TSNARE1: variants seen among roughly 807,000 people sequenced by gnomAD.
The protein encoded by TSNARE1 is t-SNARE domain-containing protein 1.
TSNARE1 carries 49 observed loss-of-function variants against 62.0 expected under a neutral mutation model. The observed-to-expected ratio is 0.79, with a 90% confidence interval of 0.63 to 1.00. The LOEUF (loss-of-function observed/expected upper bound fraction) is 1.00. TSNARE1 is among the 50% of genes least tolerant of loss of function. The probability of loss-of-function intolerance (pLI) is 0.00; values close to 1 mark genes in which losing one functional copy is unlikely to be tolerated. For synonymous variants in TSNARE1, 328 were observed against 294.4 expected (o/e 1.11, Z -1.17); for missense variants, 755 against 700.1 (o/e 1.08, Z -0.88).
chr8:142,233,596 G>A (rs1289280243), intron 12 of TSNARE1, among the ~76,000 whole-genome samples: 1 of 152,196 alleles, frequency 6.6e-6, no homozygotes, highest in Non-Finnish European at 1.5e-5. Context: ...TGTGTGGGCA[G>A]GGCTGGTGAC....
intron 12 of TSNARE1, among the ~76,000 whole-genome samples, chr8:142,250,943 C>A (rs1484144818): frequency 6.6e-6 from 1 of 152,186 alleles, no homozygotes; most frequent in Non-Finnish European, 1.5e-5. Flanking sequence ...GAGGCCTGAC[C>A]CAGTAAAGGA....
chr8:142,318,324 C>T (rs995161420), intron 7 of TSNARE1, among the ~76,000 whole-genome samples: 2 of 152,210 alleles, frequency 1.3e-5, no homozygotes, highest in Non-Finnish European at 2.9e-5. Flanking sequence ...CAGGTGGCCA[C>T]ACCAGCTCCC....
intron 1 of TSNARE1, among the ~76,000 whole-genome samples, chr8:142,398,439 C>T (rs1838056250): frequency 6.6e-6 from 1 of 152,088 alleles, no homozygotes. Flanking sequence ...CCAGCCCTGC[C>T]AAAGCACAAC....
At chr8:142,384,478 A>C (rs532110815) in intron 1 of TSNARE1, among the ~76,000 whole-genome samples, 1 of 152,350 alleles carries the variant, frequency 6.6e-6, no homozygotes, top group African/African-American at 2.4e-5. Context: ...ATGAAATCAG[A>C]TATATAGACC....
At chr8:142,308,644 A>G (rs1827088878) in intron 9 of TSNARE1, among the ~76,000 whole-genome samples, 1 of 152,060 alleles carries the variant, frequency 6.6e-6, no homozygotes. Flanking sequence ...TCACACAAAC[A>G]CCACACTGTT....
chr8:142,336,486 A>C (rs1831779694), intron 4 of TSNARE1, among the ~76,000 whole-genome samples: 1 of 152,152 alleles, frequency 6.6e-6, no homozygotes, highest in African/African-American at 2.4e-5. Context: ...TAAAAGAAGG[A>C]CACTTTCAAA....
At chr8:142,229,276 T>G (rs962608557) in intron 13 of TSNARE1, among the ~76,000 whole-genome samples, 197 bp downstream of exon 13, 1 of 150,898 alleles carries the variant, frequency 6.6e-6, no homozygotes, top group Non-Finnish European at 1.5e-5. Context: ...GGTGGATGGA[T>G]GGATGGCAGA....
At chr8:142,395,512 A>G (rs1376253429) in intron 1 of TSNARE1, among the ~76,000 whole-genome samples, 5 of 152,190 alleles carry the variant, frequency 3.3e-5, no homozygotes, top group Admixed American at 3.3e-4. Flanking sequence ...TGGAAAGCCC[A>G]TGGAGCACCG....
chr8:142,244,183 C>T (rs1312273012), intron 12 of TSNARE1, among the ~76,000 whole-genome samples: 2 of 152,180 alleles, frequency 1.3e-5, no homozygotes, highest in Non-Finnish European at 2.9e-5. Context: ...GAGACTCCGA[C>T]ATTAAACTGT....
chr8:142,255,949 A>ACCG (rs1818486589), intron 12 of TSNARE1, among the ~76,000 whole-genome samples: 1 of 97,342 alleles, frequency 1.0e-5, no homozygotes. Flanking sequence ...CACCACCATC[A>ACCG]TCACCATCAC....
chr8:142,333,904 G>A (rs567716771), intron 4 of TSNARE1, among the ~76,000 whole-genome samples: 4 of 152,220 alleles, frequency 2.6e-5, no homozygotes, highest in Non-Finnish European at 4.4e-5. Flanking sequence ...ACCACCCCTC[G>A]ATGTCACCAT....
At chr8:142,394,074 G>A (rs540552970) in intron 1 of TSNARE1, among the ~76,000 whole-genome samples, 46 of 152,358 alleles carry the variant, frequency 3.0e-4, no homozygotes, top group Middle Eastern at 3.4e-3. Context: ...CTGGCTGCCC[G>A]TCTTCACTCC....
At chr8:142,370,661 C>T (rs1028918719) in intron 1 of TSNARE1, among the ~76,000 whole-genome samples, 3 of 151,990 alleles carry the variant, frequency 2.0e-5, no homozygotes, top group African/African-American at 4.8e-5. Context: ...GTGAAAAGCA[C>T]ATAGAAATAT....
intron 13 of TSNARE1, among the ~76,000 whole-genome samples, chr8:142,222,121 T>TTCACTCACTCATCCACTCATTCAC (rs1554623972): frequency 0.09 from 9,586 of 106,926 alleles, 1,786 homozygotes; most frequent in African/African-American, 0.31. Context: ...CATCCACTCA[T>TTCACTCACTCATCCACTCATTCAC]TCACTCACTC....
chr8:142,358,899 G>A (rs978770233), intron 1 of TSNARE1, among the ~76,000 whole-genome samples: 2 of 151,696 alleles, frequency 1.3e-5, no homozygotes, highest in African/African-American at 2.4e-5. Context: ...CCCATCCTGC[G>A]CTGGCCCAGC....
chr8:142,253,850 C>A (rs76126340), intron 12 of TSNARE1, among the ~76,000 whole-genome samples: 1 of 152,330 alleles, frequency 6.6e-6, no homozygotes, highest in African/African-American at 2.4e-5. Flanking sequence ...CATGGACTCC[C>A]GAGCCCGGAA....
chr8:142,314,006 T>C (rs1230368552), intron 9 of TSNARE1, among the ~76,000 whole-genome samples: 1 of 152,222 alleles, frequency 6.6e-6, no homozygotes, highest in African/African-American at 2.4e-5. Flanking sequence ...CTTGAACCCC[T>C]GACCTCAGGT....
intron 13 of TSNARE1, among the ~76,000 whole-genome samples, chr8:142,224,154 A>G (rs1156441078): frequency 1.3e-5 from 2 of 152,282 alleles, no homozygotes; most frequent in South Asian, 2.1e-4. Context: ...TCACCAAGCA[A>G]TGGGGCCTGG....
chr8:142,317,366 C>T (rs933093436), intron 7 of TSNARE1, among the ~76,000 whole-genome samples: 2 of 140,536 alleles, frequency 1.4e-5, no homozygotes, highest in East Asian at 2.1e-4. Flanking sequence ...ACGCGTGAAG[C>T]GGGTATGGCC....
Sources: allele counts gnomAD v4.1 joint callset (sites outside exome capture counted in the v4.1 genomes callset), GRCh38; gene constraint gnomAD v4.1.1; transcripts MANE v1.5; gene names NCBI Gene and HGNC (gene_info 2026-07-23, HGNC 2026-07-21).